FBXO36: variants seen among roughly 807,000 people sequenced by gnomAD.
The protein encoded by FBXO36 is F-box protein 36.
A neutral mutation model predicts 17.0 loss-of-function variants in FBXO36; 18 were observed. The ratio of observed to expected loss-of-function variants is 1.06; its 90% CI spans 0.73 to 1.57. FBXO36 has a LOEUF of 1.57. FBXO36 is among the 40% of genes most tolerant of loss of function. The pLI is 0.00. For synonymous variants in FBXO36, 83 were observed against 85.3 expected (o/e 0.97, Z 0.15); for missense variants, 229 against 221.9 (o/e 1.03, Z -0.20).
chr2:229,978,110 A>C (rs2077219473), intron 2 of FBXO36, among the ~76,000 whole-genome samples: 1 of 151,924 alleles, frequency 6.6e-6, no homozygotes, highest in African/African-American at 2.4e-5. Context: ...AAAACAAAAC[A>C]AAAACCAAAA....
At chr2:229,953,064 G>A (rs1485934376) in intron 1 of FBXO36, among the ~76,000 whole-genome samples, 3 of 152,224 alleles carry the variant, frequency 2.0e-5, no homozygotes, top group Non-Finnish European at 2.9e-5. Flanking sequence ...ACGGCCGGGT[G>A]CGGTGGCTCA....
At chr2:229,942,452 G>T (rs2077004365) in intron 1 of FBXO36, among the ~76,000 whole-genome samples, 1 of 151,982 alleles carries the variant, frequency 6.6e-6, no homozygotes, top group Non-Finnish European at 1.5e-5. Flanking sequence ...CCTCATTCTG[G>T]TTACCTGTTG....
In FBXO36 at chr2:229,959,555, G is replaced by C. The variant is rs148800285; in HGVS notation, c.97-16686G>C. 3.7e-3 allele frequency among the ~76,000 whole-genome samples: 562 copies of C among 152,176 alleles called. 4 individuals are homozygous for C. Among genetic ancestry groups the C allele is most frequent in the African/African-American group, 0.013 (538 of 41,524 alleles). On this transcript the variant is annotated intron_variant, in intron 1 of 3. Coordinates refer to ENST00000283946, the MANE Select transcript of FBXO36 (RefSeq NM_174899.5). The stretch of plus-strand genomic sequence containing the variant: ...AGAACATTTTTCTATAAAGAATATT[G>C]CCAAAGTAGGCTGGGCGCGGTGGCT...
intron 1 of FBXO36, among the ~76,000 whole-genome samples, chr2:229,925,740 C>G (rs1313790958): frequency 1.3e-5 from 2 of 152,156 alleles, no homozygotes; most frequent in Non-Finnish European, 2.9e-5. Context: ...CCACCACTGA[C>G]ATAGTCCAGA....
chr2:229,959,503 G>A (rs1034528604), intron 1 of FBXO36, among the ~76,000 whole-genome samples: 2 of 152,136 alleles, frequency 1.3e-5, no homozygotes, highest in South Asian at 4.1e-4. Flanking sequence ...CAGCAATCAT[G>A]AATTCTCCAG....
intron 1 of FBXO36, among the ~76,000 whole-genome samples, chr2:229,938,744 C>A (rs2076980300): frequency 7.2e-6 from 1 of 139,332 alleles, no homozygotes; most frequent in Admixed American, 7.9e-5. Context: ...GTTTTCTTAC[C>A]CCCAAAAAAC....
intron 1 of FBXO36, among the ~76,000 whole-genome samples, chr2:229,923,844 G>GGTGTTTT: frequency 8.4e-6 from 1 of 119,354 alleles, no homozygotes; most frequent in Non-Finnish European, 1.7e-5. Flanking sequence ...TTTTTTTGGT[G>GGTGTTTT]TTGTTTTTTT....
At chr2:229,979,178 A>C (rs1560448377) in intron 2 of FBXO36, among the ~76,000 whole-genome samples, 1 of 151,638 alleles carries the variant, frequency 6.6e-6, no homozygotes, top group Non-Finnish European at 1.5e-5. Flanking sequence ...TCAAAAAAAA[A>C]AAAAAAATCC....
intron 2 of FBXO36, among the ~76,000 whole-genome samples, chr2:229,983,983 C>A (rs1343859558): frequency 2.6e-5 from 4 of 152,134 alleles, no homozygotes; most frequent in Admixed American, 1.3e-4. Context: ...AGCTCCCTTC[C>A]CCAGAGACGA....
intron 1 of FBXO36, among the ~76,000 whole-genome samples, chr2:229,947,843 C>T (rs1450296593): frequency 6.6e-6 from 1 of 152,148 alleles, no homozygotes; most frequent in East Asian, 1.9e-4. Flanking sequence ...GTATAAACTG[C>T]CCCTGTGGAT....
intron 1 of FBXO36, among the ~76,000 whole-genome samples, chr2:229,952,218 CTTCTT>C (rs2077061286): frequency 6.6e-6 from 1 of 152,168 alleles, no homozygotes; most frequent in Non-Finnish European, 1.5e-5. Flanking sequence ...ATTTTCTCCT[CTTCTT>C]TTCCCTCTAG....
chr2:229,981,244 C>A (rs1342813021), intron 2 of FBXO36, among the ~76,000 whole-genome samples: 1 of 152,134 alleles, frequency 6.6e-6, no homozygotes, highest in Non-Finnish European at 1.5e-5. Context: ...ATCCCAACTA[C>A]TTGGGAGGCT....
intron 1 of FBXO36, among the ~76,000 whole-genome samples, chr2:229,958,494 C>CT (rs1333408444): frequency 1.3e-5 from 2 of 152,156 alleles, no homozygotes; most frequent in Non-Finnish European, 2.9e-5. Context: ...TGATCTCGAA[C>CT]TCCTGACCTT....
intron 1 of FBXO36, among the ~76,000 whole-genome samples, chr2:229,926,860 G>C (rs573468794): frequency 6.8e-6 from 1 of 147,760 alleles, no homozygotes; most frequent in African/African-American, 2.5e-5. Context: ...AAGGATCTTT[G>C]TTTTTTTTTT....
chr2:229,950,622 C>T (rs2077052529), intron 1 of FBXO36, among the ~76,000 whole-genome samples: 1 of 152,196 alleles, frequency 6.6e-6, no homozygotes. Context: ...AGGTCAGCCT[C>T]CTTTCCACAG....
intron 1 of FBXO36, among the ~76,000 whole-genome samples, chr2:229,936,842 G>A (rs1346334116): frequency 6.6e-6 from 1 of 152,190 alleles, no homozygotes; most frequent in Non-Finnish European, 1.5e-5. Flanking sequence ...CTGCACTCCA[G>A]CCTGGGTGAC....
chr2:229,981,701 CAAA>C (rs11326626), intron 2 of FBXO36, among the ~76,000 whole-genome samples: 67 of 103,174 alleles, frequency 6.5e-4, no homozygotes, highest in Non-Finnish European at 8.8e-4. Flanking sequence ...GACCCTGTCT[CAAA>C]AAAAAAAAAA....
At chr2:229,938,026 G>A (rs1267143335) in intron 1 of FBXO36, 1 of 152,386 alleles carries the variant, frequency 6.6e-6, no homozygotes, top group Non-Finnish European at 1.5e-5. Flanking sequence ...GGAGTGCAGT[G>A]GAGCGATCTT....
intron 1 of FBXO36, among the ~76,000 whole-genome samples, chr2:229,933,429 G>A (rs554599715): frequency 1.3e-5 from 2 of 152,236 alleles, no homozygotes; most frequent in East Asian, 1.9e-4. Flanking sequence ...AAGATTGTGC[G>A]TTAGTAGCTG....
Sources: allele counts gnomAD v4.1 joint callset (sites outside exome capture counted in the v4.1 genomes callset), GRCh38; gene constraint gnomAD v4.1.1; transcripts MANE v1.5; gene names NCBI Gene and HGNC (gene_info 2026-07-23, HGNC 2026-07-21).